PNLIPRP3: variants seen among roughly 807,000 people sequenced by gnomAD.
PNLIPRP3 encodes the protein pancreatic lipase-related protein 3.
In PNLIPRP3, 58 loss-of-function variants were observed where a neutral mutation model predicts 52.8. That is an observed-to-expected ratio of 1.10 (90% CI 0.89 to 1.37). The LOEUF is 1.37. Ranked by LOEUF, PNLIPRP3 falls within the 40% of genes most tolerant of loss-of-function variation. The pLI, the probability that PNLIPRP3 is intolerant of heterozygous loss-of-function variation, is 0.00. For synonymous variants in PNLIPRP3, 192 were observed against 185.0 expected (o/e 1.04, Z -0.31); for missense variants, 593 against 561.6 (o/e 1.06, Z -0.57).
intron 4 of PNLIPRP3, among the ~76,000 whole-genome samples, chr10:116,448,085 A>T (rs1845981646): frequency 1.3e-5 from 2 of 152,098 alleles, no homozygotes; most frequent in South Asian, 2.1e-4. Context: ...GAGGGAAAGT[A>T]TGTGGAAATA....
intron 9 of PNLIPRP3, among the ~76,000 whole-genome samples, chr10:116,469,970 CAAA>C (rs34958696): frequency 0.018 from 2,373 of 131,438 alleles, 62 homozygotes; most frequent in African/African-American, 0.061. Context: ...ACAATTCAGG[CAAA>C]AAAAAAAAAA....
chr10:116,454,872 T>C (rs1397441358), intron 4 of PNLIPRP3, among the ~76,000 whole-genome samples: 2 of 152,264 alleles, frequency 1.3e-5, no homozygotes, highest in African/African-American at 4.8e-5. Flanking sequence ...TTCTTCAGCA[T>C]AATGATTTTG....
At chr10:116,444,345 CTTAT>C (rs1319145402) in intron 3 of PNLIPRP3, 33 bp from the exon 4 acceptor site, 2 of 1,524,672 alleles carry the variant, frequency 1.3e-6, no homozygotes, top group Admixed American at 2.0e-5. Context: ...TCCTTGAACA[CTTAT>C]TTATTTAATA....
At chr10:116,467,307 C>G (rs911506744) in intron 8 of PNLIPRP3, among the ~76,000 whole-genome samples, 2 of 152,116 alleles carry the variant, frequency 1.3e-5, no homozygotes, top group Non-Finnish European at 2.9e-5. Flanking sequence ...CAGGAGATCT[C>G]TTAAGCCCAG....
chr10:116,452,147 C>T (rs1337359605), intron 4 of PNLIPRP3, among the ~76,000 whole-genome samples: 7 of 152,120 alleles, frequency 4.6e-5, no homozygotes, highest in Non-Finnish European at 8.8e-5. Flanking sequence ...GCATTGTGTC[C>T]ACACCCTGGG....
rs1733107963 is a variant in PNLIPRP3 at position 116,442,921 on chromosome 10, G to T, written c.205-134G>T. ...TATAATATGTAGCCATAACTATTTA[G>T]TAAAAATATATTAAAGAAGGTTGCT... On this transcript the variant is annotated intron_variant, in intron 2 of 11. Transcript: ENST00000369230. 11 of 537,230 alleles carry T rather than the reference G, an allele frequency of 2.0e-5. No individual in the cohort carries two copies. The South Asian group carries it at 6.2e-4, about 30-fold the overall frequency. 33.3% of individuals were successfully genotyped at this position (537,230 alleles called of 1,614,324 possible).
At position 116,427,932 on chromosome 10, in the gene PNLIPRP3, C is replaced by T. The variant is rs41284366; in HGVS notation, c.-81C>T. 13 of 1,057,296 alleles carry T rather than the reference C, an allele frequency of 1.2e-5. No individual in the cohort carries two copies. Among genetic ancestry groups the T allele is most frequent in the Non-Finnish European group, 1.6e-5 (11 of 684,540 alleles). 65.5% of individuals were successfully genotyped at this position (1,057,296 alleles called of 1,614,324 possible). On this transcript the variant is annotated 5_prime_UTR_variant, in exon 1 of 12. Coordinates refer to ENST00000369230, the MANE Select transcript of PNLIPRP3 (RefSeq NM_001011709.3). ...TGAGTTGCATCATTGTGAGGAAAAC[C>T]ACTTAGTATTTTATAGTGAGGTGAC...
chr10:116,471,705 G>C (rs1013501803), intron 9 of PNLIPRP3, 63 bp from the exon 10 acceptor site: 2 of 1,257,764 alleles, frequency 1.6e-6, no homozygotes, highest in African/African-American at 3.0e-5. Flanking sequence ...GATCCAGGAA[G>C]TCATACTTCC....
chr10:116,460,024 C>T (rs977418285), intron 5 of PNLIPRP3, among the ~76,000 whole-genome samples: 1 of 152,136 alleles, frequency 6.6e-6, no homozygotes, highest in African/African-American at 2.4e-5. Context: ...CCTCGGCCTC[C>T]GAGGGTGCTG....
chr10:116,456,080 G>A (rs1846109288), intron 5 of PNLIPRP3, among the ~76,000 whole-genome samples: 1 of 152,190 alleles, frequency 6.6e-6, no homozygotes, highest in Non-Finnish European at 1.5e-5. Flanking sequence ...CAATTGAATG[G>A]TTGAAGCAAT....
intron 3 of PNLIPRP3, 88 bp from the exon 4 acceptor site, chr10:116,444,294 T>A: frequency 8.4e-7 from 1 of 1,183,548 alleles, no homozygotes. Context: ...CCTACTAGTA[T>A]AATTTCTTAT....
intron 1 of PNLIPRP3, among the ~76,000 whole-genome samples, chr10:116,434,813 T>C (rs1459434657): frequency 6.6e-6 from 1 of 152,068 alleles, no homozygotes; most frequent in Non-Finnish European, 1.5e-5. Context: ...TGGTTCAAAT[T>C]AGAAAAGGAT....
intron 2 of PNLIPRP3, among the ~76,000 whole-genome samples, chr10:116,442,305 TGCTG>T (rs1423033818): frequency 1.3e-5 from 2 of 152,216 alleles, no homozygotes; most frequent in Non-Finnish European, 2.9e-5. Flanking sequence ...ATCTCCAATA[TGCTG>T]GTGTATTTCA....
At chr10:116,440,180 A>G (rs1490898135) in intron 2 of PNLIPRP3, 37 of 563,374 alleles carry the variant, frequency 6.6e-5, no homozygotes, top group Non-Finnish European at 1.0e-4. Flanking sequence ...GACTAACTCT[A>G]TTCCCTGATC....
intron 1 of PNLIPRP3, among the ~76,000 whole-genome samples, chr10:116,432,076 T>G (rs745494856): frequency 4.0e-5 from 6 of 151,826 alleles, no homozygotes; most frequent in Non-Finnish European, 5.9e-5. Context: ...AACGTATTCT[T>G]ATTTATTGTC....
chr10:116,456,417 A>G (rs1156987783), intron 5 of PNLIPRP3, among the ~76,000 whole-genome samples: 2 of 152,214 alleles, frequency 1.3e-5, no homozygotes, highest in Non-Finnish European at 2.9e-5. Flanking sequence ...TACACATTGT[A>G]TACATGTCTC....
Position 116,430,370 on chromosome 10 carries a change from TATG to T in PNLIPRP3, c.49+2312_49+2314del, listed in dbSNP as rs200661156. ...TGGGAAAATGAAGGGCCTAGGAAAA[TATG>T]ATATGATGGCTGGGTAGCTTTAAGA... On this transcript the variant is annotated intron_variant, in intron 1 of 11. Transcript: ENST00000369230. Among the ~76,000 whole-genome samples, 514 of 152,168 alleles carry T rather than the reference TATG, an allele frequency of 3.4e-3. 2 individuals carry two copies. The highest frequency in any genetic ancestry group is 0.012 in the African/African-American group (486 of 41,518).
intron 8 of PNLIPRP3, among the ~76,000 whole-genome samples, chr10:116,467,408 T>C (rs1023576903): frequency 1.3e-5 from 2 of 151,982 alleles, no homozygotes; most frequent in Admixed American, 1.3e-4. Flanking sequence ...TCTCAAAAAA[T>C]AAATAAATAA....
chr10:116,469,434 G>A (rs1846331867), intron 9 of PNLIPRP3, 117 bp downstream of exon 9: 1 of 1,062,842 alleles, frequency 9.4e-7, no homozygotes, highest in Non-Finnish European at 1.3e-6. Flanking sequence ...TGGGATTTCA[G>A]TGAAGAACAA....
Sources: allele counts gnomAD v4.1 joint callset (sites outside exome capture counted in the v4.1 genomes callset), GRCh38; gene constraint gnomAD v4.1.1; transcripts MANE v1.5; gene names NCBI Gene and HGNC (gene_info 2026-07-23, HGNC 2026-07-21).